TOP3B: variants seen among roughly 807,000 people sequenced by gnomAD.
TOP3B encodes the protein DNA topoisomerase 3-beta-1.
A neutral mutation model predicts 93.9 loss-of-function variants in TOP3B; 45 were observed. That is an observed-to-expected ratio of 0.48 (90% CI 0.38 to 0.61). The LOEUF (loss-of-function observed/expected upper bound fraction) is 0.61. TOP3B is among the 20% of genes least tolerant of loss of function. The pLI is 0.00. For missense variants in TOP3B, 750 were observed against 1,156.1 expected (o/e 0.65, Z 5.09); for synonymous variants, 357 against 472.6 (o/e 0.76, Z 3.17).
In TOP3B at chr22:21,963,993, C is replaced by T. The variant is rs536034274; in HGVS notation, c.1134G>A (p.Pro378=). The change falls in exon 11 of 18, where the codon CCG becomes CCA. Residue 378 remains proline (P), a synonymous_variant. Transcript: ENST00000357179. The surrounding 1 kb of genome is among the most constrained non-coding windows in gnomAD (Gnocchi z 4.8). ...GGTCGCCGGCGTCATGGCCTTTCCG[C>T]GGGCGGTTGATACCTTCTGCTAACA... ...KRLLAEGINR[P]RKGHDAGDHP... The T allele has an allele frequency of 8.4e-5, 135 of 1,611,566 alleles. 1 individual carries two copies. Among genetic ancestry groups the T allele is most frequent in the South Asian group, 7.5e-4 (68 of 90,760 alleles).
intron 13 of TOP3B, chr22:21,961,127 C>T (rs926786051): frequency 6.6e-6 from 1 of 152,492 alleles, no homozygotes; most frequent in Non-Finnish European, 1.5e-5. Context: ...ACACACCTTC[C>T]CAAAGTAGCT....
Sources: gnomAD v4.1 joint callset for allele counts on GRCh38, gnomAD v4.1.1 for gene constraint, Gnocchi (gnomAD v3.1) non-coding constraint, MANE v1.5 for transcripts, NCBI Gene and HGNC (gene_info 2026-07-23, HGNC 2026-07-21) for gene names.